The following ZNF385D variants were observed in gnomAD, a reference collection of about 807,000 sequenced individuals.
ZNF385D encodes zinc finger protein 385D, also known as zinc finger protein 659.
ZNF385D carries 15 observed loss-of-function variants against 35.8 expected under a neutral mutation model. That is an observed-to-expected ratio of 0.42 (90% CI 0.28 to 0.64). The LOEUF is 0.64. ZNF385D is among the 30% of genes least tolerant of loss of function. The pLI, the probability that ZNF385D is intolerant of heterozygous loss-of-function variation, is 0.23. For missense variants in ZNF385D, 474 were observed against 494.6 expected (o/e 0.96, Z 0.39); for synonymous variants, 212 against 186.8 (o/e 1.13, Z -1.10).
At chr3:21,792,426 G>C (rs752221043) in intron 3 of ZNF385D, among the ~76,000 whole-genome samples, 12 of 152,266 alleles carry the variant, frequency 7.9e-5, no homozygotes, top group Middle Eastern at 6.8e-3. Context: ...TTGGAAGATA[G>C]CCACACCTAT....
chr3:21,983,129 C>T (rs953165686), intron 3 of ZNF385D, among the ~76,000 whole-genome samples: 1 of 149,010 alleles, frequency 6.7e-6, no homozygotes, highest in East Asian at 2.0e-4. Flanking sequence ...AGGAGTCCCT[C>T]CTCCTCAATT....
At position 21,606,964 on chromosome 3, in the gene ZNF385D, C is replaced by T. The variant is rs114112760; in HGVS notation, c.166-42280G>A. On this transcript the variant is annotated intron_variant, in intron 2 of 7. Coordinates refer to ENST00000281523, the MANE Select transcript of ZNF385D (RefSeq NM_024697.3). ...GTGGGATATCCTATTCTCTCTCCCT[C>T]TCTTGTGTACTCACAGCAAATCATA... Among the ~76,000 whole-genome samples the T allele has an allele frequency of 3.3e-3, 508 of 152,294 alleles. 2 individuals are homozygous for T. Among genetic ancestry groups the T allele is most frequent in the African/African-American group, 0.012 (492 of 41,576 alleles).
chr3:21,858,317 A>T (rs1696847220), intron 3 of ZNF385D, among the ~76,000 whole-genome samples: 1 of 152,078 alleles, frequency 6.6e-6, no homozygotes, highest in Non-Finnish European at 1.5e-5. Context: ...TCGGCCACCA[A>T]GGAACAGTTA....
chr3:22,038,204 A>G (rs1698455937), intron 3 of ZNF385D, among the ~76,000 whole-genome samples: 1 of 152,182 alleles, frequency 6.6e-6, no homozygotes, highest in African/African-American at 2.4e-5. Context: ...ATAATGACAC[A>G]TGAAGGAGTT....
intron 2 of ZNF385D, among the ~76,000 whole-genome samples, chr3:22,253,155 G>C (rs1032669339): frequency 6.6e-6 from 1 of 151,972 alleles, no homozygotes; most frequent in Non-Finnish European, 1.5e-5. Context: ...CTGAGATAAA[G>C]AGCACACACC....
At chr3:21,655,061 G>C (rs1298252943) in intron 2 of ZNF385D, among the ~76,000 whole-genome samples, 3 of 151,916 alleles carry the variant, frequency 2.0e-5, no homozygotes, top group African/African-American at 7.2e-5. Flanking sequence ...GTAGAACACA[G>C]TGACTCTCAA....
At chr3:22,334,436 T>C (rs2125466041) in intron 2 of ZNF385D, among the ~76,000 whole-genome samples, 1 of 152,274 alleles carries the variant, frequency 6.6e-6, no homozygotes, top group South Asian at 2.1e-4. Flanking sequence ...ATATTTTAAA[T>C]CCTAAAATTT....
intron 3 of ZNF385D, among the ~76,000 whole-genome samples, chr3:21,873,533 G>C (rs1697803378): frequency 6.6e-6 from 1 of 152,040 alleles, no homozygotes; most frequent in Non-Finnish European, 1.5e-5. Context: ...TAGGTGTACA[G>C]TATGGTATTC....
chr3:21,972,867 G>A (rs900170316), intron 3 of ZNF385D, among the ~76,000 whole-genome samples: 6 of 151,844 alleles, frequency 4.0e-5, no homozygotes, highest in African/African-American at 9.7e-5. Context: ...AGATTGAACC[G>A]TGAAGAAATC....
intron 2 of ZNF385D, among the ~76,000 whole-genome samples, chr3:22,353,681 G>T (rs1262600486): frequency 6.6e-6 from 1 of 152,052 alleles, no homozygotes; most frequent in African/African-American, 2.4e-5. Context: ...ATAACTCATG[G>T]TGATTTCAAT....
At chr3:21,969,224 A>T (rs1703092732) in intron 3 of ZNF385D, among the ~76,000 whole-genome samples, 1 of 152,096 alleles carries the variant, frequency 6.6e-6, no homozygotes, top group East Asian at 1.9e-4. Flanking sequence ...TAGATACCTG[A>T]TATGTTTAGG....
At chr3:21,957,489 T>A (rs2061940) in intron 3 of ZNF385D, among the ~76,000 whole-genome samples, 229 of 151,990 alleles carry the variant, frequency 1.5e-3, no homozygotes, top group African/African-American at 5.3e-3. Context: ...CAGGCTGAGG[T>A]GGTCTCAGAT....
chr3:21,872,193 C>G (rs1283969607), intron 3 of ZNF385D, among the ~76,000 whole-genome samples: 1 of 152,032 alleles, frequency 6.6e-6, no homozygotes, highest in Non-Finnish European at 1.5e-5. Context: ...CACACAAAAA[C>G]AGAACAGAAA....
intron 3 of ZNF385D, among the ~76,000 whole-genome samples, chr3:22,056,320 A>T (rs1431492406): frequency 6.6e-6 from 1 of 150,594 alleles, no homozygotes; most frequent in Non-Finnish European, 1.5e-5. Flanking sequence ...TCAATGTGAT[A>T]CAGATACCTA....
intron 3 of ZNF385D, among the ~76,000 whole-genome samples, chr3:22,058,217 G>T (rs1220714336): frequency 6.6e-6 from 1 of 152,142 alleles, no homozygotes; most frequent in South Asian, 2.1e-4. Context: ...GTTGAAAAAA[G>T]CAAACTGTAT....
intron 3 of ZNF385D, among the ~76,000 whole-genome samples, chr3:21,964,461 A>T (rs1702781526): frequency 7.7e-6 from 1 of 130,402 alleles, no homozygotes; most frequent in Non-Finnish European, 1.6e-5. Context: ...AAGATGTCCA[A>T]TTTCTCAGAT....
At chr3:21,752,902 G>T (rs535867868), upstream of ZNF385D, among the ~76,000 whole-genome samples, 7 of 152,224 alleles carry the variant, frequency 4.6e-5, no homozygotes, top group South Asian at 1.5e-3. Context: ...AACCATCTGT[G>T]GTAGAGCTTA....
At chr3:21,795,674 T>C (rs1352263482) in intron 3 of ZNF385D, among the ~76,000 whole-genome samples, 1 of 152,160 alleles carries the variant, frequency 6.6e-6, no homozygotes, top group Non-Finnish European at 1.5e-5. Flanking sequence ...GGACAGAATG[T>C]CATAGGTGCC....
intron 5 of ZNF385D, among the ~76,000 whole-genome samples, chr3:21,430,135 T>A (rs1196226584): frequency 6.6e-6 from 1 of 152,052 alleles, no homozygotes; most frequent in Admixed American, 6.6e-5. Context: ...TCCATGTTAA[T>A]TTTTTCCTAA....
Sources: allele counts gnomAD v4.1 joint callset (sites outside exome capture counted in the v4.1 genomes callset), GRCh38; gene constraint gnomAD v4.1.1; transcripts MANE v1.5; gene names NCBI Gene and HGNC (gene_info 2026-07-23, HGNC 2026-07-21).